Variants in TUBB2B observed in about 807,000 individuals in gnomAD.
TUBB2B encodes tubulin beta 2B class IIb.
A neutral mutation model predicts 35.0 loss-of-function variants in TUBB2B; 5 were observed. The ratio of observed to expected loss-of-function variants is 0.14; its 90% confidence interval spans 0.07 to 0.30. The LOEUF (loss-of-function observed/expected upper bound fraction) is 0.30. Among genes scored for constraint, TUBB2B ranks in the 10% least tolerant of loss-of-function variants. The pLI, the probability that TUBB2B is intolerant of heterozygous loss-of-function variation, is 1.00. For missense variants in TUBB2B, 63 were observed against 601.8 expected (o/e 0.10, Z 9.37); for synonymous variants, 166 against 250.5 (o/e 0.66, Z 3.18).
Position 3,226,483 on chromosome 6 carries a change from A to G in TUBB2B, c.166+78T>C. 1 of 1,340,078 alleles carries G rather than the reference A, an allele frequency of 7.5e-7. No individual in the cohort carries two copies. The highest frequency in any genetic ancestry group is 1.1e-6 in the Non-Finnish European group (1 of 931,280). 83.0% of individuals were successfully genotyped at this position (1,340,078 alleles called of 1,614,324 possible). On this transcript the variant is annotated intron_variant, in intron 2 of 3. Transcript: ENST00000259818. This position sits in a 1 kb window ranked among gnomAD's most constrained non-coding sequence, Gnocchi z 5.5. Reference sequence around the variant, plus strand: ...ATAGTCCACCCTCTCCCAGGGCCACACCCCTGGGGTCCCACGCAAGGGAAA... The same window carrying G: ...ATAGTCCACCCTCTCCCAGGGCCACGCCCCTGGGGTCCCACGCAAGGGAAA...
In TUBB2B at chr6:3,227,356, G is replaced by A. The variant is rs1757301859; in HGVS notation, c.57+131C>T. The A allele has an allele frequency of 8.2e-7, 1 of 1,225,398 alleles. No homozygotes were observed. Among genetic ancestry groups the A allele is most frequent in the South Asian group, 1.4e-5 (1 of 72,822 alleles). 75.9% of individuals were successfully genotyped at this position (1,225,398 alleles called of 1,614,324 possible). On this transcript the variant is annotated intron_variant, in intron 1 of 3. Transcript: ENST00000259818. The surrounding 1 kb of genome is among the most constrained non-coding windows in gnomAD (Gnocchi z 7.8). The stretch of plus-strand genomic sequence containing the variant: ...CCTCCTAGCCCAGGCCACACTCGGC[G>A]GCACAAAGCGGCCAGGAAGGTCTGC...
Position 3,227,459 on chromosome 6 carries a change from T to G in TUBB2B, c.57+28A>C. On this transcript the variant is annotated intron_variant, in intron 1 of 3. Coordinates refer to ENST00000259818, the MANE Select transcript of TUBB2B (RefSeq NM_178012.5). This position sits in a 1 kb window ranked among gnomAD's most constrained non-coding sequence, Gnocchi z 7.8. ...TCTCGGCCCAGGTTCGCGCCCCCAT[T>G]GGACCCCCTCCGCTGCGGCGCGCCC... 1 of 1,603,862 alleles carries G rather than the reference T, an allele frequency of 6.2e-7. No homozygotes were observed. The highest frequency in any genetic ancestry group is 8.5e-7 in the Non-Finnish European group (1 of 1,179,356).
At position 3,226,083 on chromosome 6, in the gene TUBB2B, G is replaced by T. The variant is rs556254624; in HGVS notation, c.277+76C>A. ...GGATGTTCTTCATGCTTTCCCTCTG[G>T]CAATCACACCTCTTCAGCCTCCACT... On this transcript the variant is annotated intron_variant, in intron 3 of 3. Coordinates refer to ENST00000259818, the MANE Select transcript of TUBB2B (RefSeq NM_178012.5). This position sits in a 1 kb window ranked among gnomAD's most constrained non-coding sequence, Gnocchi z 5.5. 2.2e-4 allele frequency: 320 copies of T among 1,432,362 alleles called. No individual in the cohort carries two copies. Among genetic ancestry groups the T allele is most frequent in the Non-Finnish European group, 2.9e-4 (295 of 1,018,978 alleles). 88.7% of individuals were successfully genotyped at this position (1,432,362 alleles called of 1,614,324 possible).
rs1757288118 is a variant in TUBB2B at position 3,226,395 on chromosome 6, GCT to G, written c.167-128_167-127del. 9.5e-7 allele frequency: 1 copy of G among 1,053,126 alleles called. No homozygotes were observed. Among genetic ancestry groups the G allele is most frequent in the Non-Finnish European group, 1.5e-6 (1 of 685,666 alleles). 65.2% of individuals were successfully genotyped at this position (1,053,126 alleles called of 1,614,324 possible). A position where few individuals can be genotyped will look rare whatever the true frequency, so the allele number is the denominator to read the frequency against. ...AGACCCACCATCAGGTTCTCAAAGG[GCT>G]CTGTTGGCATAAGGAAGCCCAATGA... On this transcript the variant is annotated intron_variant, in intron 2 of 3. Coordinates refer to ENST00000259818, the MANE Select transcript of TUBB2B (RefSeq NM_178012.5). This position sits in a 1 kb window ranked among gnomAD's most constrained non-coding sequence, Gnocchi z 5.5.
rs992617251 is a variant in TUBB2B at position 3,227,270 on chromosome 6, G to A, written c.57+217C>T. On this transcript the variant is annotated intron_variant, in intron 1 of 3. Coordinates refer to ENST00000259818, the MANE Select transcript of TUBB2B (RefSeq NM_178012.5). The surrounding 1 kb of genome is among the most constrained non-coding windows in gnomAD (Gnocchi z 7.8). ...GCGGAGGGAGGCCGAGGGGGTGACG[G>A]GGACTCCAAATGAGTTACAGCAGAA... is the stretch of plus-strand genomic sequence containing the variant. Among the ~76,000 whole-genome samples, 1 of 152,130 alleles carries A rather than the reference G, an allele frequency of 6.6e-6. No individual in the cohort carries two copies. Among genetic ancestry groups the A allele is most frequent in the Non-Finnish European group, 1.5e-5 (1 of 68,004 alleles).
rs1271743963 is a variant in TUBB2B at position 3,225,780 on chromosome 6, C to T, written c.309G>A (p.Lys103=). ...GQSGAGNNWA[K]GHYTEGAELV... is the part of the protein sequence containing the mutation. Reference sequence around the variant, plus strand: ...GCTCGGCTCCCTCTGTGTAGTGGCCCTTGGCCCAGTTATTCCCGGCTCCAC... The same window carrying T: ...GCTCGGCTCCCTCTGTGTAGTGGCCTTTGGCCCAGTTATTCCCGGCTCCAC... Residue 103 remains lysine, a synonymous_variant, in exon 4 of 4, where the codon AAG becomes AAA. Coordinates refer to ENST00000259818, the MANE Select transcript of TUBB2B (RefSeq NM_178012.5). The T allele has an allele frequency of 2.5e-6, 4 of 1,613,592 alleles. No homozygotes were observed. The highest frequency in any genetic ancestry group is 3.4e-6 in the Non-Finnish European group (4 of 1,179,862).
chr6:3,226,627 C>T lies in TUBB2B; in HGVS notation c.100G>A (p.Gly34Ser), dbSNP rs1561827214. 6.2e-7 allele frequency: 1 copy of T among 1,614,184 alleles called. No homozygotes were observed. Among genetic ancestry groups the T allele is most frequent in the Non-Finnish European group, 8.5e-7 (1 of 1,180,040 alleles). Residue 34 changes from glycine to serine, a missense_variant, in exon 2 of 4, where the codon GGC becomes AGC. By Grantham distance (56) the Gly-to-Ser change is moderately conservative. This residue lies in a region of TUBB2B where 25 missense variants were observed against 120.4 expected (regional missense o/e 0.21). Coordinates refer to ENST00000259818, the MANE Select transcript of TUBB2B (RefSeq NM_178012.5). The surrounding 1 kb of genome is among the most constrained non-coding windows in gnomAD (Gnocchi z 5.5). ...ISDEHGIDPT[G>S]SYHGDSDLQL... is the part of the protein sequence containing the mutation. ...AAATCACTGTCTCCATGGTAACTGC[C>T]AGTGGGGTCAATCCCATGCTCATCA...
Position 3,227,052 on chromosome 6 carries a change from C to T in TUBB2B, c.58-383G>A, listed in dbSNP as rs1479716317. Among the ~76,000 whole-genome samples the T allele has an allele frequency of 6.6e-6, 1 of 152,178 alleles. No individual in the cohort carries two copies. The highest frequency in any genetic ancestry group is 1.5e-5 in the Non-Finnish European group (1 of 68,042). ...GGAACGCAAAGGAGCTAAAGGACCG[C>T]GGTTTTAGATTCAAAGCACGTCCTG... On this transcript the variant is annotated intron_variant, in intron 1 of 3. Transcript: ENST00000259818. This position sits in a 1 kb window ranked among gnomAD's most constrained non-coding sequence, Gnocchi z 7.8.
At position 3,227,001 on chromosome 6, in the gene TUBB2B, G is replaced by T. The variant is rs1466717306; in HGVS notation, c.58-332C>A. On this transcript the variant is annotated intron_variant, in intron 1 of 3. Coordinates refer to ENST00000259818, the MANE Select transcript of TUBB2B (RefSeq NM_178012.5). The surrounding 1 kb of genome is among the most constrained non-coding windows in gnomAD (Gnocchi z 7.8). Reference sequence around the variant, plus strand: ...GGCGAGGGCACAGGGACTGCAGCCCGCCAGGAGCGGGTGGGCGGGGAAAGA... The same window carrying T: ...GGCGAGGGCACAGGGACTGCAGCCCTCCAGGAGCGGGTGGGCGGGGAAAGA... Among the ~76,000 whole-genome samples the T allele has an allele frequency of 6.6e-6, 1 of 152,192 alleles. No individual in the cohort carries two copies.
At position 3,226,874 on chromosome 6, in the gene TUBB2B, G is replaced by T. The variant is rs1004073043; in HGVS notation, c.58-205C>A. ...CTGGGCGTTTCCCAGGCAAACAGCTGCCGCTCGCGGGGGGAGGTAGGGGTC... is the reference window on the plus strand; with the variant it reads ...CTGGGCGTTTCCCAGGCAAACAGCTTCCGCTCGCGGGGGGAGGTAGGGGTC... On this transcript the variant is annotated intron_variant, in intron 1 of 3. Coordinates refer to ENST00000259818, the MANE Select transcript of TUBB2B (RefSeq NM_178012.5). The surrounding 1 kb of genome is among the most constrained non-coding windows in gnomAD (Gnocchi z 5.5). 6.6e-6 allele frequency among the ~76,000 whole-genome samples: 1 copy of T among 152,212 alleles called. No homozygotes were observed. Among genetic ancestry groups the T allele is most frequent in the African/African-American group, 2.4e-5 (1 of 41,450 alleles).
In TUBB2B at chr6:3,224,625, A is replaced by G. The variant is rs1581525495; in HGVS notation, c.*126T>C. ...GTGACAGGCAACAGTGAAGAGCACC[A>G]GAGACCCAGCGCACACCTAAAGTAG... On this transcript the variant is annotated 3_prime_UTR_variant, in exon 4 of 4. Coordinates refer to ENST00000259818, the MANE Select transcript of TUBB2B (RefSeq NM_178012.5). The G allele has an allele frequency of 2.1e-6, 3 of 1,411,470 alleles. No individual in the cohort carries two copies. The highest frequency in any genetic ancestry group is 2.9e-6 in the Non-Finnish European group (3 of 1,041,186). The allele number at this position is 1,411,470 out of a possible 1,614,324, so 87.4% of individuals were successfully genotyped here.
In TUBB2B at chr6:3,225,231, C is replaced by A; in HGVS notation, c.858G>T (p.Val286=). 7.5e-7 allele frequency: 1 copy of A among 1,340,546 alleles called. No homozygotes were observed. The highest frequency in any genetic ancestry group is 1.0e-6 in the Non-Finnish European group (1 of 1,000,568). 83.0% of individuals were successfully genotyped at this position (1,340,546 alleles called of 1,614,324 possible). The change falls in exon 4 of 4, where the codon GTG becomes GTT. Residue 286 remains valine (V), a synonymous_variant. Coordinates refer to ENST00000259818, the MANE Select transcript of TUBB2B (RefSeq NM_178012.5). The stretch of plus-strand genomic sequence containing the variant: ...CGAACATCTGCTGGGTGAGCTCGGG[C>A]ACCGTGAGCGCCCGGTACTGCTGGC... ...RGSQQYRALT[V]PELTQQMFDS... is the part of the protein sequence containing the mutation.
In TUBB2B at chr6:3,224,784, C is replaced by T; in HGVS notation, c.1305G>A (p.Glu435=). The stretch of plus-strand genomic sequence containing the variant: ...CGTCCTCGCCCTCCTCCTCCTCGAA[C>T]TCCCCTTGTTCGTCGGCCGTGGCGT... ...YQDATADEQG[E]FEEEEGEDEA Residue 435 remains glutamate, a synonymous_variant, in exon 4 of 4, where the codon GAG becomes GAA. Transcript: ENST00000259818. 1.2e-6 allele frequency: 2 copies of T among 1,613,880 alleles called. No homozygotes were observed. The highest frequency in any genetic ancestry group is 1.7e-6 in the Non-Finnish European group (2 of 1,180,004).
rs957060201 is a variant in TUBB2B, at chr6:3,226,908, A to G, written c.58-239T>C. Among the ~76,000 whole-genome samples the G allele has an allele frequency of 1.1e-4, 16 of 152,026 alleles. No homozygotes were observed. Among genetic ancestry groups the G allele is most frequent in the African/African-American group, 3.9e-4 (16 of 41,476 alleles). ...GGGGGGAGGTAGGGGTCGAGGGGGT[A>G]AGGACCAGCCAAAGCCGGGCAGTGG... is the stretch of plus-strand genomic sequence containing the variant. On this transcript the variant is annotated intron_variant, in intron 1 of 3. Transcript: ENST00000259818. This position sits in a 1 kb window ranked among gnomAD's most constrained non-coding sequence, Gnocchi z 5.5.
Position 3,224,893 on chromosome 6 carries a change from G to A in TUBB2B, c.1196C>T (p.Thr399Met), listed in dbSNP as rs1483521190. 1.9e-6 allele frequency: 3 copies of A among 1,600,694 alleles called. No individual in the cohort carries two copies. The highest frequency in any genetic ancestry group is 2.5e-6 in the Non-Finnish European group (3 of 1,176,828). ...FRRKAFLHWYTGEGMDEMEFT... is the reference protein window; with the variant it reads ...FRRKAFLHWYMGEGMDEMEFT... The stretch of plus-strand genomic sequence containing the variant: ...CTCCATCTCGTCCATGCCCTCGCCC[G>A]TGTACCAGTGCAGGAAGGCCTTGCG... The change falls in exon 4 of 4, where the codon ACG (threonine) becomes ATG (methionine). Residue 399 changes from threonine to methionine, a missense_variant. Physicochemically the swap from Thr to Met is moderately conservative, Grantham distance 81 (BLOSUM62 -1). This residue lies in a region of TUBB2B where 18 missense variants were observed against 145.0 expected (regional missense o/e 0.12). Coordinates refer to ENST00000259818, the MANE Select transcript of TUBB2B (RefSeq NM_178012.5).
At position 3,226,902 on chromosome 6, in the gene TUBB2B, G is replaced by A. The variant is rs764594411; in HGVS notation, c.58-233C>T. Among the ~76,000 whole-genome samples, 1 of 152,220 alleles carries A rather than the reference G, an allele frequency of 6.6e-6. No individual in the cohort carries two copies. Among genetic ancestry groups the A allele is most frequent in the Non-Finnish European group, 1.5e-5 (1 of 68,044 alleles). ...GCTCGCGGGGGGAGGTAGGGGTCGA[G>A]GGGGTAAGGACCAGCCAAAGCCGGG... On this transcript the variant is annotated intron_variant, in intron 1 of 3. Coordinates refer to ENST00000259818, the MANE Select transcript of TUBB2B (RefSeq NM_178012.5). This position sits in a 1 kb window ranked among gnomAD's most constrained non-coding sequence, Gnocchi z 5.5.
In TUBB2B at chr6:3,224,642, C is replaced by G. The variant is rs2113818718; in HGVS notation, c.*109G>C. 6.5e-7 allele frequency: 1 copy of G among 1,528,882 alleles called. No homozygotes were observed. The highest frequency in any genetic ancestry group is 1.4e-5 in the African/African-American group (1 of 72,998). 94.7% of individuals were successfully genotyped at this position (1,528,882 alleles called of 1,614,324 possible). A position where few individuals can be genotyped will look rare whatever the true frequency, so the allele number is the denominator to read the frequency against. On this transcript the variant is annotated 3_prime_UTR_variant, in exon 4 of 4. Transcript: ENST00000259818. The stretch of plus-strand genomic sequence containing the variant: ...AGAGCACCAGAGACCCAGCGCACAC[C>G]TAAAGTAGACCATGCTTCTTTCCTT...
chr6:3,226,806 C>A lies in TUBB2B; in HGVS notation c.58-137G>T, dbSNP rs912829404. On this transcript the variant is annotated intron_variant, in intron 1 of 3. Coordinates refer to ENST00000259818, the MANE Select transcript of TUBB2B (RefSeq NM_178012.5). The surrounding 1 kb of genome is among the most constrained non-coding windows in gnomAD (Gnocchi z 5.5). ...GCTTTAAAGGGCGTCGTGACCCGGGCACAGCCGCGGGGCTTGTATTTTGCA... is the reference window on the plus strand; with the variant it reads ...GCTTTAAAGGGCGTCGTGACCCGGGAACAGCCGCGGGGCTTGTATTTTGCA... The A allele has an allele frequency of 3.7e-6, 3 of 811,188 alleles. No individual in the cohort carries two copies. In the Admixed American group the frequency reaches 5.8e-5, roughly 16 times the overall value. The allele number at this position is 811,188 out of a possible 1,614,324, so 50.2% of individuals were successfully genotyped here. A position where few individuals can be genotyped will look rare whatever the true frequency, so the allele number is the denominator to read the frequency against.
At position 3,226,763 on chromosome 6, in the gene TUBB2B, A is replaced by C; in HGVS notation, c.58-94T>G. ...TCCCCGACTCAGTTCCGACAACCCA[A>C]CATTTCAGGAGCTTGAAGCTTTAAA... On this transcript the variant is annotated intron_variant, in intron 1 of 3. Coordinates refer to ENST00000259818, the MANE Select transcript of TUBB2B (RefSeq NM_178012.5). This position sits in a 1 kb window ranked among gnomAD's most constrained non-coding sequence, Gnocchi z 5.5. The C allele has an allele frequency of 1.9e-6, 2 of 1,073,384 alleles. No individual in the cohort carries two copies. The highest frequency in any genetic ancestry group is 2.9e-6 in the Non-Finnish European group (2 of 688,588). The allele number at this position is 1,073,384 out of a possible 1,614,324, so 66.5% of individuals were successfully genotyped here. A position where few individuals can be genotyped will look rare whatever the true frequency, so the allele number is the denominator to read the frequency against.
Sources: gnomAD v4.1 joint callset for allele counts (sites outside exome capture counted in the v4.1 genomes callset) on GRCh38, gnomAD v4.1.1 for gene constraint, gnomAD v4.1.1 regional missense constraint, Gnocchi (gnomAD v3.1) non-coding constraint, MANE v1.5 for transcripts, NCBI Gene and HGNC (gene_info 2026-07-23, HGNC 2026-07-21) for gene names.